The following UTRN variants were observed in gnomAD, a reference collection of about 807,000 sequenced individuals.
UTRN encodes utrophin, also known as dystrophin-related protein 1.
Under a neutral mutation model 463.9 loss-of-function variants are expected in UTRN, and 283 were observed. The ratio of observed to expected loss-of-function variants is 0.61; its 90% confidence interval spans 0.55 to 0.67. The LOEUF is 0.67. UTRN is among the 30% of genes least tolerant of loss of function. The pLI is 0.00. For synonymous variants in UTRN, 1,442 were observed against 1,431.5 expected (o/e 1.01, Z -0.17); for missense variants, 3,922 against 4,084.3 (o/e 0.96, Z 1.08).
chr6:144,801,131 G>A (rs982919391), intron 64 of UTRN, among the ~76,000 whole-genome samples: 19 of 152,128 alleles, frequency 1.2e-4, no homozygotes, highest in Non-Finnish European at 1.8e-4. Flanking sequence ...GTGATATATT[G>A]TCTTACTTTT....
chr6:144,295,769 C>T (rs1013433042), intron 2 of UTRN, among the ~76,000 whole-genome samples: 1 of 152,190 alleles, frequency 6.6e-6, no homozygotes, highest in African/African-American at 2.4e-5. Flanking sequence ...ATTCTGTGTG[C>T]AGATGTGGTG....
intron 2 of UTRN, among the ~76,000 whole-genome samples, chr6:144,355,023 A>G (rs566038176): frequency 4.6e-5 from 7 of 152,188 alleles, no homozygotes; most frequent in African/African-American, 1.7e-4. Context: ...AGCTCCTGGC[A>G]CGTTTTTTAG....
At chr6:144,371,853 A>G (rs1409133036) in intron 2 of UTRN, among the ~76,000 whole-genome samples, 1 of 152,236 alleles carries the variant, frequency 6.6e-6, no homozygotes, top group Non-Finnish European at 1.5e-5. Flanking sequence ...GGAGGCATAC[A>G]TTCTGAAAAG....
chr6:144,298,103 A>G (rs1400474293), intron 2 of UTRN, among the ~76,000 whole-genome samples: 2 of 149,744 alleles, frequency 1.3e-5, no homozygotes, highest in African/African-American at 5.1e-5. Context: ...TTTCAGATGC[A>G]TTGGCTGGAT....
intron 69 of UTRN, among the ~76,000 whole-genome samples, chr6:144,834,018 A>G (rs1780893957): frequency 1.3e-5 from 2 of 152,174 alleles, no homozygotes; most frequent in Admixed American, 1.3e-4. Flanking sequence ...AAACCCAGGA[A>G]CAAGCATGGG....
At chr6:144,680,751 T>C (rs11155370) in intron 52 of UTRN, among the ~76,000 whole-genome samples, 18,693 of 152,160 alleles carry the variant, frequency 0.12, 1,672 homozygotes, top group East Asian at 0.51. Context: ...TTGAAACATA[T>C]ATAGTTATTC....
intron 2 of UTRN, among the ~76,000 whole-genome samples, chr6:144,295,815 A>G (rs1804631678): frequency 6.6e-6 from 1 of 152,194 alleles, no homozygotes; most frequent in Non-Finnish European, 1.5e-5. Flanking sequence ...CATTTTGCAG[A>G]TGATAAATGT....
intron 41 of UTRN, among the ~76,000 whole-genome samples, chr6:144,526,421 T>A (rs1007122154): frequency 1.3e-5 from 2 of 152,218 alleles, no homozygotes; most frequent in African/African-American, 4.8e-5. Context: ...AGTCTTTTTA[T>A]CATTATATAA....
chr6:144,362,755 T>C (rs991658443), intron 2 of UTRN, among the ~76,000 whole-genome samples: 1 of 152,220 alleles, frequency 6.6e-6, no homozygotes, highest in Non-Finnish European at 1.5e-5. Flanking sequence ...ACTTGTTATG[T>C]GATGTGAAAG....
chr6:144,495,495 C>T (rs538287187), intron 33 of UTRN, among the ~76,000 whole-genome samples: 6 of 152,320 alleles, frequency 3.9e-5, no homozygotes, highest in South Asian at 2.1e-4. Flanking sequence ...AAGCGTGGCG[C>T]GCAGCCCCGG....
Position 144,397,500 on chromosome 6 carries a change from G to A in UTRN, c.80-5623G>A, listed in dbSNP as rs142465312. Among the ~76,000 whole-genome samples, 215 of 152,010 alleles carry A rather than the reference G, an allele frequency of 1.4e-3. 1 individual carries two copies. Among genetic ancestry groups the A allele is most frequent in the African/African-American group, 5.0e-3 (206 of 41,482 alleles). ...CTCCATACCCTTCTTCTCTTTTATG[G>A]GCATATACAGTTTTCAGGATTGAAA... On this transcript the variant is annotated intron_variant, in intron 2 of 74. Coordinates refer to ENST00000367545, the MANE Select transcript of UTRN (RefSeq NM_007124.3).
chr6:144,627,799 T>G (rs1431426511), intron 51 of UTRN, among the ~76,000 whole-genome samples: 4 of 90,388 alleles, frequency 4.4e-5, no homozygotes, highest in South Asian at 6.6e-4. Flanking sequence ...CTTCTGTGTT[T>G]TTTTTTTTTT....
Position 144,569,927 on chromosome 6 carries a change from GA to G in UTRN, c.7290-7168del, listed in dbSNP as rs1800782836. The stretch of plus-strand genomic sequence containing the variant: ...GCAATGTGGCAACCTCTAGAAGTTG[GA>G]AAAGAAGAGGAACCAGATTCACCCC... On this transcript the variant is annotated intron_variant, in intron 50 of 74. Coordinates refer to ENST00000367545, the MANE Select transcript of UTRN (RefSeq NM_007124.3). Among the ~76,000 whole-genome samples, 3 of 152,132 alleles carry G rather than the reference GA, an allele frequency of 2.0e-5. No homozygotes were observed. The South Asian group carries it at 6.2e-4, about 31-fold the overall frequency.
chr6:144,762,707 A>G (rs377639688), intron 58 of UTRN, among the ~76,000 whole-genome samples: 4 of 152,252 alleles, frequency 2.6e-5, no homozygotes, highest in South Asian at 2.1e-4. Flanking sequence ...GCCTTCCTCT[A>G]TCTTTCCCCA....
chr6:144,743,274 T>A (rs1790302797), intron 54 of UTRN, among the ~76,000 whole-genome samples: 1 of 152,192 alleles, frequency 6.6e-6, no homozygotes, highest in South Asian at 2.1e-4. Flanking sequence ...AATGTTGATA[T>A]CATAATTGAG....
In UTRN at chr6:144,852,152, C is replaced by T. The variant is rs1403357209; in HGVS notation, c.*1155C>T. On this transcript the variant is annotated 3_prime_UTR_variant, in exon 75 of 75. Coordinates refer to ENST00000367545, the MANE Select transcript of UTRN (RefSeq NM_007124.3). ...GTGAAAGATCAGATGTTTTTATACCCTTCACTTGATCAATATATTTGGAAA... is the reference window on the plus strand; with the variant it reads ...GTGAAAGATCAGATGTTTTTATACCTTTCACTTGATCAATATATTTGGAAA... The T allele has an allele frequency of 6.6e-6, 1 of 152,148 alleles. No homozygotes were observed. The highest frequency in any genetic ancestry group is 1.5e-5 in the Non-Finnish European group (1 of 68,028). The allele number at this position is 152,148 out of a possible 1,614,324, so 9.4% of individuals were successfully genotyped here.
intron 60 of UTRN, 98 bp downstream of exon 60, chr6:144,774,462 G>C: frequency 3.7e-6 from 4 of 1,079,174 alleles, no homozygotes; most frequent in Middle Eastern, 2.2e-4. Context: ...TGTTTGCCAA[G>C]TTAATCTGGT....
intron 2 of UTRN, among the ~76,000 whole-genome samples, chr6:144,355,272 AT>A (rs1272925967): frequency 6.6e-6 from 1 of 152,044 alleles, no homozygotes; most frequent in East Asian, 1.9e-4. Flanking sequence ...TAGTGGTCCA[AT>A]CTCGGCTCAC....
At chr6:144,552,691 T>C (rs1482635496) in intron 48 of UTRN, among the ~76,000 whole-genome samples, 1 of 152,180 alleles carries the variant, frequency 6.6e-6, no homozygotes, top group Non-Finnish European at 1.5e-5. Flanking sequence ...CCAGGGGGAA[T>C]GTATTGCTAC....
Sources: gnomAD v4.1 joint callset for allele counts (sites outside exome capture counted in the v4.1 genomes callset) on GRCh38, gnomAD v4.1.1 for gene constraint, MANE v1.5 for transcripts, NCBI Gene and HGNC (gene_info 2026-07-23, HGNC 2026-07-21) for gene names.